Variants in CAMTA1 observed in about 807,000 individuals in gnomAD.
CAMTA1 encodes calmodulin-binding transcription activator 1.
CAMTA1 carries 27 observed loss-of-function variants against 170.9 expected under a neutral mutation model. The ratio of observed to expected loss-of-function variants is 0.16; its 90% CI spans 0.12 to 0.22. CAMTA1 has a LOEUF of 0.22. CAMTA1 is among the 10% of genes least tolerant of loss of function. The pLI is 1.00. For missense variants in CAMTA1, 1,619 were observed against 2,217.2 expected (o/e 0.73, Z 5.42); for synonymous variants, 833 against 891.5 (o/e 0.93, Z 1.17).
At chr1:7,508,990 T>C (rs960153370) in intron 6 of CAMTA1, among the ~76,000 whole-genome samples, 4 of 152,200 alleles carry the variant, frequency 2.6e-5, no homozygotes, top group Non-Finnish European at 5.9e-5. Flanking sequence ...GACCAGGCGC[T>C]ACAGGCTATG....
intron 1 of CAMTA1, among the ~76,000 whole-genome samples, chr1:6,802,035 A>G (rs1643907470): frequency 6.6e-6 from 1 of 152,192 alleles, no homozygotes; most frequent in African/African-American, 2.4e-5. Context: ...AGCACTTTTG[A>G]TTGCAAGTCC....
At chr1:7,601,551 G>A (rs938151745) in intron 6 of CAMTA1, among the ~76,000 whole-genome samples, 1 of 152,244 alleles carries the variant, frequency 6.6e-6, no homozygotes, top group African/African-American at 2.4e-5. Context: ...CGGCCGGGCA[G>A]AGGCTGCAAT....
intron 7 of CAMTA1, among the ~76,000 whole-genome samples, chr1:7,652,981 G>C (rs1462613220): frequency 6.6e-6 from 1 of 152,200 alleles, no homozygotes; most frequent in Non-Finnish European, 1.5e-5. Flanking sequence ...CTGCCTCAAG[G>C]GATCACTGGG....
At position 7,044,769 on chromosome 1, in the gene CAMTA1, C is replaced by T. The variant is rs908668031; in HGVS notation, c.235-46535C>T. Reference sequence around the variant, plus strand: ...ACCCTGCGTGCAGTCCTCCTGCCCCCCTGCCTGGCGCATCTTTCCCCCTCA... The same window carrying T: ...ACCCTGCGTGCAGTCCTCCTGCCCCTCTGCCTGGCGCATCTTTCCCCCTCA... On this transcript the variant is annotated intron_variant, in intron 3 of 22. Transcript: ENST00000303635. The surrounding 1 kb of genome is among the most constrained non-coding windows in gnomAD (Gnocchi z 5.0). Among the ~76,000 whole-genome samples the T allele has an allele frequency of 6.6e-6, 1 of 151,880 alleles. No individual in the cohort carries two copies. The highest frequency in any genetic ancestry group is 2.4e-5 in the African/African-American group (1 of 41,334).
intron 7 of CAMTA1, among the ~76,000 whole-genome samples, chr1:7,647,940 C>T (rs1415790353): frequency 1.3e-5 from 2 of 152,134 alleles, no homozygotes; most frequent in African/African-American, 4.8e-5. Context: ...AAAAATTAGC[C>T]AGATGTGGTG....
chr1:7,201,544 TTATTATC>T (rs1398204275), intron 4 of CAMTA1, among the ~76,000 whole-genome samples: 2 of 152,198 alleles, frequency 1.3e-5, no homozygotes, highest in African/African-American at 4.8e-5. Flanking sequence ...TCAACACTTG[TTATTATC>T]TGACTTTCAG....
chr1:6,932,356 A>G (rs1174479137), intron 3 of CAMTA1, among the ~76,000 whole-genome samples: 2 of 152,110 alleles, frequency 1.3e-5, no homozygotes, highest in African/African-American at 4.8e-5. Flanking sequence ...TCAGTAATTC[A>G]TTTCTTTTCA....
chr1:7,465,948 A>G (rs1418841818), intron 5 of CAMTA1, among the ~76,000 whole-genome samples: 2 of 152,210 alleles, frequency 1.3e-5, no homozygotes. Context: ...CTAGAGAGGA[A>G]TAGAGTGGGG....
chr1:6,878,034 G>A (rs370619064), intron 3 of CAMTA1, among the ~76,000 whole-genome samples: 25 of 152,342 alleles, frequency 1.6e-4, no homozygotes, highest in African/African-American at 6.0e-4. Context: ...GCACGTATCT[G>A]TGCAGAGATA....
chr1:7,677,005 G>A (rs1275183626), intron 10 of CAMTA1, among the ~76,000 whole-genome samples: 1 of 152,168 alleles, frequency 6.6e-6, no homozygotes, highest in African/African-American at 2.4e-5. Context: ...CCACTGGAGG[G>A]AGGTGCAACC....
Position 7,738,985 on chromosome 1 carries a change from T to C in CAMTA1, c.4182+503T>C, listed in dbSNP as rs1466540255. Among the ~76,000 whole-genome samples the C allele has an allele frequency of 1.3e-5, 2 of 152,224 alleles. No homozygotes were observed. The highest frequency in any genetic ancestry group is 1.3e-4 in the Admixed American group (2 of 15,280). On this transcript the variant is annotated intron_variant, in intron 16 of 22. Coordinates refer to ENST00000303635, the MANE Select transcript of CAMTA1 (RefSeq NM_015215.4). This position sits in a 1 kb window ranked among gnomAD's most constrained non-coding sequence, Gnocchi z 4.9. ...GAGGGCAGCGAAATATTCCTGAAGC[T>C]GATAATTGATTGCCCTTATAATAAA...
intron 5 of CAMTA1, among the ~76,000 whole-genome samples, chr1:7,356,354 C>T (rs573261076): frequency 1.4e-4 from 21 of 152,366 alleles, no homozygotes; most frequent in African/African-American, 4.8e-4. Context: ...ACCTGTCACA[C>T]GCTGCAGGAT....
At chr1:7,500,942 ACT>A (rs1192225886) in intron 6 of CAMTA1, among the ~76,000 whole-genome samples, 2 of 151,838 alleles carry the variant, frequency 1.3e-5, no homozygotes, top group Admixed American at 6.6e-5. Flanking sequence ...CCAGGCAGAA[ACT>A]CTGGGAACCG....
At chr1:7,233,877 G>T (rs1375847172) in intron 4 of CAMTA1, among the ~76,000 whole-genome samples, 1 of 152,162 alleles carries the variant, frequency 6.6e-6, no homozygotes, top group East Asian at 1.9e-4. Context: ...AAGGGGCCGG[G>T]GAGGTGGGGG....
At position 7,033,595 on chromosome 1, in the gene CAMTA1, T is replaced by C. The variant is rs567512984; in HGVS notation, c.235-57709T>C. Among the ~76,000 whole-genome samples, 720 of 141,976 alleles carry C rather than the reference T, an allele frequency of 5.1e-3. 8 individuals carry two copies. The highest frequency in any genetic ancestry group is 0.019 in the African/African-American group (702 of 37,578). 93.1% of individuals were successfully genotyped at this position (141,976 alleles called of 152,430 possible). On this transcript the variant is annotated intron_variant, in intron 3 of 22. Transcript: ENST00000303635. ...TTTATTCTTGTAAATATTCTTTTTT[T>C]TTTTTTTTTTTTTTTGATACAGAGT...
intron 5 of CAMTA1, among the ~76,000 whole-genome samples, chr1:7,451,074 T>C (rs2092812806): frequency 6.6e-6 from 1 of 152,150 alleles, no homozygotes; most frequent in African/African-American, 2.4e-5. Flanking sequence ...CTTATGTACA[T>C]GTTGCTGAGG....
chr1:7,684,602 C>T (rs947102640), intron 11 of CAMTA1, among the ~76,000 whole-genome samples: 7 of 152,234 alleles, frequency 4.6e-5, no homozygotes, highest in Non-Finnish European at 1.0e-4. Context: ...TGTCCTCCCT[C>T]TGCGTGTGTC....
intron 6 of CAMTA1, among the ~76,000 whole-genome samples, chr1:7,581,851 T>G (rs971489939): frequency 1.3e-5 from 2 of 152,224 alleles, no homozygotes; most frequent in Non-Finnish European, 2.9e-5. Flanking sequence ...AGCTCCTCCT[T>G]TAAGCCATGT....
chr1:7,075,859 C>T (rs918838159), intron 3 of CAMTA1, among the ~76,000 whole-genome samples: 3 of 151,228 alleles, frequency 2.0e-5, no homozygotes, highest in Non-Finnish European at 2.9e-5. Flanking sequence ...GACGGGGTTT[C>T]GTCATGTTGG....
Sources: allele counts gnomAD v4.1 joint callset (sites outside exome capture counted in the v4.1 genomes callset), GRCh38; gene constraint gnomAD v4.1.1; non-coding constraint Gnocchi (gnomAD v3.1); transcripts MANE v1.5; gene names NCBI Gene and HGNC (gene_info 2026-07-23, HGNC 2026-07-21).